The following PTAR1 variants were observed in gnomAD, a reference collection of about 807,000 sequenced individuals.
The protein encoded by PTAR1 is protein prenyltransferase alpha subunit repeat containing 1.
PTAR1 carries 17 observed loss-of-function variants against 45.5 expected under a neutral mutation model. That is an observed-to-expected ratio of 0.37 (90% confidence interval 0.26 to 0.56). The LOEUF (loss-of-function observed/expected upper bound fraction) is 0.56, where lower values mean the gene tolerates loss of function less well. PTAR1 is among the 20% of genes least tolerant of loss of function. PTAR1 has a pLI of 0.77. For missense variants in PTAR1, 391 were observed against 476.3 expected (o/e 0.82, Z 1.67); for synonymous variants, 169 against 171.3 (o/e 0.99, Z 0.11).
intron 6 of PTAR1, among the ~76,000 whole-genome samples, chr9:69,722,522 T>A (rs1260113790): frequency 6.6e-6 from 1 of 152,160 alleles, no homozygotes; most frequent in Non-Finnish European, 1.5e-5. Context: ...AGATTATACT[T>A]CAGGTAAGTT....
chr9:69,718,199 A>G lies in PTAR1; in HGVS notation c.*143T>C, dbSNP rs1824808136. On this transcript the variant is annotated 3_prime_UTR_variant, in exon 8 of 8. Transcript: ENST00000340434. Reference sequence around the variant, plus strand: ...AGTTATTAACAAAATAAATAAAATGAAAGATTTACTATGGACTTTCAACCT... The same window carrying G: ...AGTTATTAACAAAATAAATAAAATGGAAGATTTACTATGGACTTTCAACCT... The G allele has an allele frequency of 5.5e-6, 3 of 541,950 alleles. No homozygotes were observed. The highest frequency in any genetic ancestry group is 9.5e-6 in the Non-Finnish European group (3 of 314,186). The allele number at this position is 541,950 out of a possible 1,614,324, so 33.6% of individuals were successfully genotyped here.
chr9:69,712,362 C>T lies in PTAR1; in HGVS notation c.*5980G>A, dbSNP rs1195682021. ...TCTAACTTTGCTGGAAGGTGTTGGT[C>T]TAATAAAGAAAACTGCTTTAAGTAG... On this transcript the variant is annotated 3_prime_UTR_variant, in exon 8 of 8. Transcript: ENST00000340434. The T allele has an allele frequency of 6.6e-6, 1 of 152,068 alleles. No individual in the cohort carries two copies. Among genetic ancestry groups the T allele is most frequent in the Non-Finnish European group, 1.5e-5 (1 of 68,008 alleles). The allele number at this position is 152,068 out of a possible 1,614,324, so 9.4% of individuals were successfully genotyped here.
chr9:69,716,821 A>G lies in PTAR1; in HGVS notation c.*1521T>C, dbSNP rs1200241725. The G allele has an allele frequency of 6.6e-6, 1 of 152,194 alleles. No homozygotes were observed. The highest frequency in any genetic ancestry group is 1.5e-5 in the Non-Finnish European group (1 of 68,024). 9.4% of individuals were successfully genotyped at this position (152,194 alleles called of 1,614,324 possible). On this transcript the variant is annotated 3_prime_UTR_variant, in exon 8 of 8. Transcript: ENST00000340434. Reference sequence around the variant, plus strand: ...CTGGTATATGAATGTATTTTAGATGAGGTATGAAATTCATTGCAAATAGGG... The same window carrying G: ...CTGGTATATGAATGTATTTTAGATGGGGTATGAAATTCATTGCAAATAGGG...
At position 69,715,345 on chromosome 9, in the gene PTAR1, C is replaced by G. The variant is rs113862839; in HGVS notation, c.*2997G>C. On this transcript the variant is annotated 3_prime_UTR_variant, in exon 8 of 8. Coordinates refer to ENST00000340434, the MANE Select transcript of PTAR1 (RefSeq NM_001099666.2). ...ATCACTCATTCTTAACACTCACAAA[C>G]AATCTTTCTCTTCCTGTTAGTCATT... 6.6e-6 allele frequency: 1 copy of G among 152,104 alleles called. No homozygotes were observed. Among genetic ancestry groups the G allele is most frequent in the Admixed American group, 6.6e-5 (1 of 15,252 alleles). The allele number at this position is 152,104 out of a possible 1,614,324, so 9.4% of individuals were successfully genotyped here.
At chr9:69,739,809 A>G (rs998199698) in intron 3 of PTAR1, among the ~76,000 whole-genome samples, 1 of 152,192 alleles carries the variant, frequency 6.6e-6, no homozygotes, top group African/African-American at 2.4e-5. Flanking sequence ...ACATATCCAC[A>G]AAGGATTTTT....
At chr9:69,718,744 C>T (rs1824841160) in intron 6 of PTAR1, 60 bp from the exon 7 acceptor site, 1 of 1,372,672 alleles carries the variant, frequency 7.3e-7, no homozygotes, top group Admixed American at 2.7e-5. Context: ...TCAAGCTTTT[C>T]CAGAAAAAAA....
chr9:69,741,815 G>C lies in PTAR1; in HGVS notation c.300C>G (p.Asp100Glu). ...VTCTLLLLNP[D>E]FTTAWNVRKE... ...ACCTCACGTTCCATGCAGTGGTAAA[G>C]TCTGGGTTTAGAAGCAGCAGGGTAC... Residue 100 changes from aspartate to glutamate, a missense_variant, in exon 3 of 8, where the codon GAC becomes GAG. Asp to Glu is a conservative substitution (Grantham distance 45, BLOSUM62 2). Around this residue, in one of 5 missense-constraint regions of PTAR1, gnomAD observed 152 missense variants for 160.0 expected, o/e 0.95. Transcript: ENST00000340434. 1 of 1,601,276 alleles carries C rather than the reference G, an allele frequency of 6.2e-7. No homozygotes were observed. The highest frequency in any genetic ancestry group is 8.5e-7 in the Non-Finnish European group (1 of 1,172,500).
At chr9:69,722,939 CAAAAA>C (rs35037746) in intron 6 of PTAR1, among the ~76,000 whole-genome samples, 1 of 99,846 alleles carries the variant, frequency 1.0e-5, no homozygotes. Context: ...AACTCTATCT[CAAAAA>C]AAAAAAAAAA....
intron 2 of PTAR1, among the ~76,000 whole-genome samples, chr9:69,748,851 TTTCTTATATTTA>T (rs1826393686): frequency 6.6e-6 from 1 of 152,108 alleles, no homozygotes; most frequent in South Asian, 2.1e-4. Flanking sequence ...CAAAATTCAC[TTTCTTATATTTA>T]CTGATAATAC....
In PTAR1 at chr9:69,750,958, T is replaced by C. The variant is rs751499546; in HGVS notation, c.87-8A>G. On this transcript the variant is annotated splice_region_variant and splice_polypyrimidine_tract_variant and intron_variant, in intron 1 of 7. Coordinates refer to ENST00000340434, the MANE Select transcript of PTAR1 (RefSeq NM_001099666.2). ...ATCAGGCCAATTTCATCTCTTAATA[T>C]GTAAAACATAAAAAAGAATTAAAAA... 3 of 1,527,996 alleles carry C rather than the reference T, an allele frequency of 2.0e-6. No individual in the cohort carries two copies. The highest frequency in any genetic ancestry group is 2.6e-6 in the Non-Finnish European group (3 of 1,137,370). 94.7% of individuals were successfully genotyped at this position (1,527,996 alleles called of 1,614,324 possible). A position where few individuals can be genotyped will look rare whatever the true frequency, so the allele number is the denominator to read the frequency against.
chr9:69,709,883 C>T lies in PTAR1; in HGVS notation c.*8459G>A, dbSNP rs555335760. The T allele has an allele frequency of 7.2e-5, 11 of 152,082 alleles. No individual in the cohort carries two copies. The highest frequency in any genetic ancestry group is 2.1e-4 in the South Asian group (1 of 4,814). The allele number at this position is 152,082 out of a possible 1,614,324, so 9.4% of individuals were successfully genotyped here. On this transcript the variant is annotated 3_prime_UTR_variant, in exon 8 of 8. Coordinates refer to ENST00000340434, the MANE Select transcript of PTAR1 (RefSeq NM_001099666.2). Reference sequence around the variant, plus strand: ...AAGAAACAGGACAGAATTTAGTGAACGCAACTTAAAAATTTGTTAATGTAG... The same window carrying T: ...AAGAAACAGGACAGAATTTAGTGAATGCAACTTAAAAATTTGTTAATGTAG...
rs1588433562 is a variant in PTAR1 at position 69,712,081 on chromosome 9, T to A, written c.*6261A>T. 6.6e-6 allele frequency: 1 copy of A among 152,158 alleles called. No homozygotes were observed. Among genetic ancestry groups the A allele is most frequent in the East Asian group, 1.9e-4 (1 of 5,196 alleles). 9.4% of individuals were successfully genotyped at this position (152,158 alleles called of 1,614,324 possible). On this transcript the variant is annotated 3_prime_UTR_variant, in exon 8 of 8. Transcript: ENST00000340434. Reference sequence around the variant, plus strand: ...TCTAATAGAATGCTCCTTGAATCAATATCTGCCATATGAAATTATATGACA... The same window carrying A: ...TCTAATAGAATGCTCCTTGAATCAAAATCTGCCATATGAAATTATATGACA...
chr9:69,755,741 A>G (rs547491267), intron 1 of PTAR1, among the ~76,000 whole-genome samples: 17 of 152,334 alleles, frequency 1.1e-4, no homozygotes, highest in Admixed American at 3.3e-4. Context: ...GATAATTAAA[A>G]TTCTCCTGGT....
intron 5 of PTAR1, among the ~76,000 whole-genome samples, chr9:69,727,527 CCTAA>C (rs1398366399): frequency 3.3e-5 from 5 of 151,648 alleles, no homozygotes; most frequent in South Asian, 4.2e-4. Flanking sequence ...AAAAAAACCA[CCTAA>C]CTTTCTATTT....
At chr9:69,756,073 C>T (rs1019877099) in intron 1 of PTAR1, among the ~76,000 whole-genome samples, 7 of 152,272 alleles carry the variant, frequency 4.6e-5, no homozygotes, top group African/African-American at 1.4e-4. Context: ...TACAACTATA[C>T]TACACTATTA....
In PTAR1 at chr9:69,718,682, C is replaced by T. The variant is rs770899905; in HGVS notation, c.950G>A (p.Arg317Gln). ...PGHETLWCHR[R>Q]HIFYLQHHLN... ...GTGATGCTGAAGGTAGAAAATATGC[C>T]GCCTGCGATAGAGAGGGGAAGGAAG... The change falls in exon 7 of 8, where the codon CGG (arginine) becomes CAG (glutamine). Residue 317 changes from arginine to glutamine, a missense_variant and splice_region_variant. Physicochemically the swap from Arg to Gln is conservative, Grantham distance 43. Transcript: ENST00000340434. 1.2e-5 allele frequency: 18 copies of T among 1,558,684 alleles called. No individual in the cohort carries two copies. The highest frequency in any genetic ancestry group is 1.5e-5 in the Non-Finnish European group (17 of 1,150,622).
chr9:69,723,674 G>A, intron 5 of PTAR1, 44 bp from the exon 6 acceptor site: 1 of 1,433,762 alleles, frequency 7.0e-7, no homozygotes, highest in Non-Finnish European at 9.6e-7. Context: ...AGTTCCCAAA[G>A]GTTCTTCTTT....
chr9:69,744,703 A>C (rs1246537968), intron 2 of PTAR1, among the ~76,000 whole-genome samples: 1 of 152,118 alleles, frequency 6.6e-6, no homozygotes, highest in Non-Finnish European at 1.5e-5. Context: ...TTTTATGCGT[A>C]TCTTACTTTT....
intron 2 of PTAR1, 147 bp from the exon 3 acceptor site, chr9:69,742,005 C>A: frequency 1.7e-6 from 1 of 601,640 alleles, no homozygotes; most frequent in African/African-American, 1.8e-5. Context: ...ATTCCCTCTT[C>A]TAAGCTGTCA....
Sources: allele counts gnomAD v4.1 joint callset (sites outside exome capture counted in the v4.1 genomes callset), GRCh38; gene constraint gnomAD v4.1.1; regional missense constraint gnomAD v4.1.1; transcripts MANE v1.5; gene names NCBI Gene and HGNC (gene_info 2026-07-23, HGNC 2026-07-21).